The following IGSF11 variants were observed in gnomAD, a reference collection of about 807,000 sequenced individuals.
The protein encoded by IGSF11 is immunoglobulin superfamily member 11, also known as CXADR like 1.
Under a neutral mutation model 41.0 loss-of-function variants are expected in IGSF11, and 22 were observed. That is an observed-to-expected ratio of 0.54 (90% CI 0.38 to 0.77). The LOEUF is 0.77. IGSF11 is among the 30% of genes least tolerant of loss of function. The pLI is 0.00. For synonymous variants in IGSF11, 219 were observed against 201.3 expected, an observed-to-expected ratio of 1.09 and a Z score of -0.74; for missense variants, 444 against 530.8, an observed-to-expected ratio of 0.84 and a Z score of 1.61.
intron 4 of IGSF11, among the ~76,000 whole-genome samples, chr3:118,914,545 G>C (rs1369891426): frequency 1.3e-5 from 2 of 151,652 alleles, no homozygotes; most frequent in Non-Finnish European, 1.5e-5. Flanking sequence ...GCGCTTTTCA[G>C]ACCGGCTTAA....
chr3:119,004,828 T>TA (rs1352829597), intron 1 of IGSF11, among the ~76,000 whole-genome samples: 1 of 152,060 alleles, frequency 6.6e-6, no homozygotes, highest in Non-Finnish European at 1.5e-5. Context: ...GTCTGAGAGA[T>TA]AGTTTGTTAT....
At chr3:119,084,187 C>G (rs1340988174) in intron 1 of IGSF11, among the ~76,000 whole-genome samples, 1 of 151,770 alleles carries the variant, frequency 6.6e-6, no homozygotes, top group Non-Finnish European at 1.5e-5. Flanking sequence ...TTGTCTAAAC[C>G]AATGTAATTT....
intron 1 of IGSF11, among the ~76,000 whole-genome samples, chr3:119,111,709 C>A (rs542369763): frequency 6.6e-6 from 1 of 152,296 alleles, no homozygotes; most frequent in South Asian, 2.1e-4. Context: ...GTTGTTTCCC[C>A]ATCTTTGTGG....
At chr3:119,115,262 C>T (rs189844158) in intron 1 of IGSF11, among the ~76,000 whole-genome samples, 1 of 152,270 alleles carries the variant, frequency 6.6e-6, no homozygotes, top group East Asian at 1.9e-4. Flanking sequence ...GGGGTATATA[C>T]CTAGCAGTGG....
chr3:118,957,193 T>G, intron 1 of IGSF11, among the ~76,000 whole-genome samples: 1 of 152,218 alleles, frequency 6.6e-6, no homozygotes, highest in East Asian at 1.9e-4. Flanking sequence ...GAATTCCTCC[T>G]TCTTTCATTT....
upstream of IGSF11, among the ~76,000 whole-genome samples, chr3:119,108,132 T>C (rs1456984707): frequency 1.6e-3 from 243 of 150,854 alleles, 1 homozygote; most frequent in African/African-American, 5.3e-3. Context: ...AAGAAAGTCA[T>C]TGGTAGCTTG....
At chr3:118,943,240 A>G (rs2107562692) in intron 1 of IGSF11, 1 of 152,332 alleles carries the variant, frequency 6.6e-6, no homozygotes, top group Admixed American at 6.5e-5. Flanking sequence ...TAATTATCAC[A>G]ATGATTTTTT....
chr3:119,123,064 C>T (rs1441287018), intron 1 of IGSF11, among the ~76,000 whole-genome samples: 2 of 152,142 alleles, frequency 1.3e-5, no homozygotes, highest in Non-Finnish European at 2.9e-5. Flanking sequence ...GATTCCAGGC[C>T]TTGGTTCTTG....
chr3:119,138,122 A>C (rs1380122406), intron 1 of IGSF11, among the ~76,000 whole-genome samples: 1 of 148,358 alleles, frequency 6.7e-6, no homozygotes, highest in African/African-American at 2.5e-5. Flanking sequence ...AATGTAAATT[A>C]TTTTCACTAT....
chr3:118,989,404 GT>G (rs1935569518), intron 1 of IGSF11, among the ~76,000 whole-genome samples: 1 of 151,684 alleles, frequency 6.6e-6, no homozygotes, highest in Admixed American at 6.6e-5. Flanking sequence ...CCAGGCTGGA[GT>G]GCAGTGGCGC....
At position 118,936,344 on chromosome 3, in the gene IGSF11, C is replaced by G. The variant is rs543716886; in HGVS notation, c.53-6069G>C. On this transcript the variant is annotated intron_variant, in intron 1 of 6. Transcript: ENST00000393775. ...CAACATGGTGAAACTCCATCTCTAC[C>G]AAAAATACAAAAATTAGCCAGGCGT... 2.6e-5 allele frequency among the ~76,000 whole-genome samples: 4 copies of G among 151,476 alleles called. No individual in the cohort carries two copies. In the East Asian group the frequency reaches 7.8e-4, roughly 30 times the overall value.
At chr3:119,031,793 A>G (rs915081280) in intron 1 of IGSF11, among the ~76,000 whole-genome samples, 19 of 152,378 alleles carry the variant, frequency 1.2e-4, no homozygotes, top group Admixed American at 7.8e-4. Context: ...CAATTACAGT[A>G]TGAAATTTAG....
At chr3:119,142,274 CAAAAAAAA>C (rs11328968) in intron 1 of IGSF11, among the ~76,000 whole-genome samples, 15 of 81,732 alleles carry the variant, frequency 1.8e-4, no homozygotes, top group Admixed American at 1.6e-3. Context: ...GACTCCATCT[CAAAAAAAA>C]AAAAAAAAAA....
At chr3:118,969,187 G>C (rs1164772931) in intron 1 of IGSF11, among the ~76,000 whole-genome samples, 1 of 151,926 alleles carries the variant, frequency 6.6e-6, no homozygotes, top group Non-Finnish European at 1.5e-5. Flanking sequence ...GTGCCAAGTG[G>C]TAAATATTAA....
At chr3:119,094,947 C>T (rs1040987771) in intron 1 of IGSF11, among the ~76,000 whole-genome samples, 9 of 152,006 alleles carry the variant, frequency 5.9e-5, no homozygotes, top group South Asian at 2.1e-4. Context: ...GCTGGGATTA[C>T]AGACGTGAGC....
intron 1 of IGSF11, among the ~76,000 whole-genome samples, chr3:118,940,019 T>C (rs1576428080): frequency 6.6e-6 from 1 of 152,212 alleles, no homozygotes; most frequent in East Asian, 1.9e-4. Context: ...AGAAGAGACA[T>C]AATTACAGAT....
intron 1 of IGSF11, among the ~76,000 whole-genome samples, chr3:119,000,029 T>C (rs998067024): frequency 2.6e-5 from 4 of 151,768 alleles, no homozygotes; most frequent in African/African-American, 7.3e-5. Flanking sequence ...TCCTGACAGA[T>C]TGGCTTTAAA....
chr3:118,990,630 C>T (rs954712531), intron 1 of IGSF11, among the ~76,000 whole-genome samples: 4 of 152,282 alleles, frequency 2.6e-5, no homozygotes, highest in Admixed American at 1.3e-4. Context: ...ATAGCCAACA[C>T]ATTTATTTTC....
chr3:119,072,531 T>C (rs1434714744), intron 1 of IGSF11, among the ~76,000 whole-genome samples: 2 of 152,194 alleles, frequency 1.3e-5, no homozygotes, highest in Admixed American at 1.3e-4. Context: ...CCTTCTGATG[T>C]TCGGACGTGT....
Sources: gnomAD v4.1 joint callset for allele counts (sites outside exome capture counted in the v4.1 genomes callset) on GRCh38, gnomAD v4.1.1 for gene constraint, MANE v1.5 for transcripts, NCBI Gene and HGNC (gene_info 2026-07-23, HGNC 2026-07-21) for gene names.